Variants in KHDRBS3 observed in about 807,000 individuals in gnomAD.
KHDRBS3 encodes KH RNA binding domain containing, signal transduction associated 3.
KHDRBS3 carries 23 observed loss-of-function variants against 45.6 expected under a neutral mutation model. The observed-to-expected ratio is 0.50, with a 90% confidence interval of 0.36 to 0.72. The LOEUF is 0.72. Ranked by LOEUF, KHDRBS3 falls within the 30% of genes least tolerant of loss-of-function variation. The pLI is 0.00. For missense variants in KHDRBS3, 352 were observed against 424.8 expected, an observed-to-expected ratio of 0.83 and a Z score of 1.51; for synonymous variants, 162 against 156.5, an observed-to-expected ratio of 1.04 and a Z score of -0.26.
chr8:135,594,392 C>T (rs571012971), intron 6 of KHDRBS3, among the ~76,000 whole-genome samples: 26 of 152,270 alleles, frequency 1.7e-4, no homozygotes, highest in African/African-American at 6.3e-4. Context: ...GCCAAACTGA[C>T]TTTCGAATCC....
intron 1 of KHDRBS3, among the ~76,000 whole-genome samples, chr8:135,496,191 A>G (rs1823435495): frequency 1.6e-5 from 1 of 61,918 alleles, no homozygotes; most frequent in Non-Finnish European, 4.9e-5. Flanking sequence ...AGGTCATGCA[A>G]AAAAAAAATA....
chr8:135,519,530 G>A (rs545541059), intron 1 of KHDRBS3, among the ~76,000 whole-genome samples: 6 of 152,216 alleles, frequency 3.9e-5, no homozygotes, highest in Non-Finnish European at 8.8e-5. Context: ...AGTGACCAAA[G>A]TTTCATCAAG....
intron 1 of KHDRBS3, among the ~76,000 whole-genome samples, chr8:135,510,967 T>C (rs1418707715): frequency 6.6e-6 from 1 of 152,266 alleles, no homozygotes; most frequent in Non-Finnish European, 1.5e-5. Context: ...GTATTTTAAA[T>C]AAACCTATAT....
At chr8:135,562,551 C>G (rs1176124302) in intron 5 of KHDRBS3, among the ~76,000 whole-genome samples, 4 of 152,074 alleles carry the variant, frequency 2.6e-5, no homozygotes, top group Non-Finnish European at 5.9e-5. Context: ...TTCATGAAAT[C>G]ACATGCGGTA....
chr8:135,577,790 CTA>C (rs1228137601), intron 5 of KHDRBS3, among the ~76,000 whole-genome samples: 1 of 152,146 alleles, frequency 6.6e-6, no homozygotes, highest in African/African-American at 2.4e-5. Context: ...TATAATAAGG[CTA>C]TGTTTAGCTT....
intron 4 of KHDRBS3, among the ~76,000 whole-genome samples, chr8:135,554,846 T>G (rs570351374): frequency 6.6e-6 from 1 of 152,182 alleles, no homozygotes; most frequent in African/African-American, 2.4e-5. Context: ...TTTTTAATTC[T>G]AAATAATAAA....
intron 2 of KHDRBS3, among the ~76,000 whole-genome samples, chr8:135,531,409 A>ACT (rs1825470190): frequency 1.8e-5 from 2 of 108,210 alleles, no homozygotes; most frequent in South Asian, 6.8e-4. Flanking sequence ...TTAATATAGT[A>ACT]ATCTCTGCAA....
chr8:135,495,154 T>C (rs1823370778), intron 1 of KHDRBS3, among the ~76,000 whole-genome samples: 1 of 152,198 alleles, frequency 6.6e-6, no homozygotes, highest in African/African-American at 2.4e-5. Context: ...GACGATTTGA[T>C]AAGATTTTGA....
intron 7 of KHDRBS3, among the ~76,000 whole-genome samples, chr8:135,636,218 C>A (rs1470973418): frequency 6.6e-6 from 1 of 152,132 alleles, no homozygotes; most frequent in East Asian, 1.9e-4. Flanking sequence ...CTTGAGATCA[C>A]CCTTGTACTT....
At chr8:135,531,464 A>G (rs190546986) in intron 2 of KHDRBS3, among the ~76,000 whole-genome samples, 114 of 152,242 alleles carry the variant, frequency 7.5e-4, no homozygotes, top group Non-Finnish European at 1.4e-3. Context: ...GTGCTATTCA[A>G]TTTGGAGAAA....
chr8:135,639,698 C>T (rs113833876), intron 7 of KHDRBS3, among the ~76,000 whole-genome samples: 87 of 152,304 alleles, frequency 5.7e-4, no homozygotes, highest in African/African-American at 1.9e-3. Context: ...TACAGGGCCT[C>T]AGGGAGCTGT....
At chr8:135,575,202 A>G (rs1352107391) in intron 5 of KHDRBS3, among the ~76,000 whole-genome samples, 3 of 152,204 alleles carry the variant, frequency 2.0e-5, no homozygotes, top group African/African-American at 7.2e-5. Context: ...ACTGCATTAG[A>G]CATATTATAT....
chr8:135,645,669 G>C (rs1006635312), intron 8 of KHDRBS3, among the ~76,000 whole-genome samples: 8 of 152,230 alleles, frequency 5.3e-5, no homozygotes, highest in Non-Finnish European at 1.0e-4. Flanking sequence ...AGTGGAGCTG[G>C]TAGAGATGCT....
At chr8:135,526,609 CTG>C in intron 2 of KHDRBS3, among the ~76,000 whole-genome samples, 1 of 152,244 alleles carries the variant, frequency 6.6e-6, no homozygotes, top group African/African-American at 2.4e-5. Context: ...GCTGGAATAG[CTG>C]TGAGTAGAGA....
At chr8:135,580,672 G>C (rs1050803987) in intron 5 of KHDRBS3, among the ~76,000 whole-genome samples, 3 of 150,022 alleles carry the variant, frequency 2.0e-5, no homozygotes, top group African/African-American at 7.4e-5. Context: ...GAGTGCAGTG[G>C]TGTGATCCTG....
chr8:135,536,020 G>C (rs1439879224), intron 2 of KHDRBS3, among the ~76,000 whole-genome samples: 2 of 152,086 alleles, frequency 1.3e-5, no homozygotes, highest in East Asian at 3.9e-4. Context: ...GTGAGTGCCT[G>C]GGGGTAGGAG....
chr8:135,551,415 C>A (rs1216995601), intron 4 of KHDRBS3, among the ~76,000 whole-genome samples: 1 of 151,970 alleles, frequency 6.6e-6, no homozygotes, highest in Admixed American at 6.6e-5. Flanking sequence ...TGAAGAAGTT[C>A]TCTTATATTT....
chr8:135,564,240 A>G (rs1370906787), intron 5 of KHDRBS3, among the ~76,000 whole-genome samples: 2 of 152,238 alleles, frequency 1.3e-5, no homozygotes, highest in East Asian at 3.8e-4. Flanking sequence ...ATTTTACCAG[A>G]TGCTGTGATA....
At chr8:135,611,208 G>A (rs1355823802) in intron 7 of KHDRBS3, among the ~76,000 whole-genome samples, 3 of 151,818 alleles carry the variant, frequency 2.0e-5, no homozygotes, top group Non-Finnish European at 4.4e-5. Flanking sequence ...AAGTACAGAA[G>A]CCACTGCTAG....
Sources: allele counts gnomAD v4.1 joint callset (sites outside exome capture counted in the v4.1 genomes callset), GRCh38; gene constraint gnomAD v4.1.1; transcripts MANE v1.5; gene names NCBI Gene and HGNC (gene_info 2026-07-23, HGNC 2026-07-21).